Variants in CCDC27 observed in about 807,000 individuals in gnomAD.
CCDC27 encodes coiled-coil domain containing 27.
In CCDC27, 80 loss-of-function variants were observed where a neutral mutation model predicts 80.3. The ratio of observed to expected loss-of-function variants is 1.00; its 90% CI spans 0.83 to 1.20. The LOEUF is 1.20. Ranked by LOEUF, CCDC27 falls within the 50% of genes most tolerant of loss-of-function variation. The pLI is 0.00. For missense variants in CCDC27, 815 were observed against 809.4 expected (o/e 1.01, Z -0.08); for synonymous variants, 342 against 334.3 (o/e 1.02, Z -0.25).
At position 3,754,204 on chromosome 1, in the gene CCDC27, C is replaced by T. The variant is rs1244152643; in HGVS notation, c.405C>T (p.Pro135=). Residue 135 remains proline, a synonymous_variant, in exon 2 of 12, where the codon CCC becomes CCT. Transcript: ENST00000294600. ...RRVFPTHPDC[P]QFSTRATSMS... ...TCTTCCCCACGCATCCTGACTGCCC[C>T]CAGTTCAGCACCAGGGCCACATCCA... The T allele has an allele frequency of 6.2e-7, 1 of 1,613,322 alleles. No individual in the cohort carries two copies. Among genetic ancestry groups the T allele is most frequent in the Non-Finnish European group, 8.5e-7 (1 of 1,179,770 alleles).
chr1:3,764,454 T>C (rs1643178191), intron 8 of CCDC27, among the ~76,000 whole-genome samples: 1 of 151,822 alleles, frequency 6.6e-6, no homozygotes, highest in Non-Finnish European at 1.5e-5. Flanking sequence ...CATCTTAACA[T>C]TATTTAATGC....
In CCDC27 at chr1:3,763,328, A is replaced by G. The variant is rs1643139333; in HGVS notation, c.1175A>G (p.Glu392Gly). 1 of 1,612,722 alleles carries G rather than the reference A, an allele frequency of 6.2e-7. No homozygotes were observed. The highest frequency in any genetic ancestry group is 8.5e-7 in the Non-Finnish European group (1 of 1,179,674). The change falls in exon 7 of 12, where the codon GAA becomes GGA. Residue 392 changes from glutamate to glycine, a missense_variant. Physicochemically the swap from Glu to Gly is moderately conservative, Grantham distance 98 (BLOSUM62 -2). Transcript: ENST00000294600. The surrounding 1 kb of genome is among the most constrained non-coding windows in gnomAD (Gnocchi z 7.5). ...EDSEERELPE[E>G]EEIPRRRASS... ...TCAGAGGAAAGGGAGCTGCCGGAGG[A>G]AGAGGAGATCCCCAGGAGAAGGGCC...
At chr1:3,764,729 T>C (rs1643187270) in intron 8 of CCDC27, among the ~76,000 whole-genome samples, 1 of 152,174 alleles carries the variant, frequency 6.6e-6, no homozygotes, top group Non-Finnish European at 1.5e-5. Context: ...CATCCTCCAG[T>C]AGTTTTATCA....
chr1:3,752,735 C>T lies in CCDC27; in HGVS notation c.254C>T (p.Pro85Leu), dbSNP rs559022453. 1.9e-5 allele frequency: 30 copies of T among 1,613,820 alleles called. No individual in the cohort carries two copies. The African/African-American group carries it at 2.4e-4, about 13-fold the overall frequency. Residue 85 changes from proline (P) to leucine (L), a missense_variant, in exon 1 of 12, where the codon CCG (proline) becomes CTG (leucine). Coordinates refer to ENST00000294600, the MANE Select transcript of CCDC27 (RefSeq NM_152492.3). The part of the protein sequence containing the change: ...SRDARCPEWK[P>L]HQKPRTLSKS... ...GACGCCCGGTGCCCAGAATGGAAAC[C>T]GCACCAAAAGCCACGCACGCTCAGC...
chr1:3,764,267 G>A (rs756231710), intron 8 of CCDC27, among the ~76,000 whole-genome samples: 134 of 152,062 alleles, frequency 8.8e-4, no homozygotes, highest in Non-Finnish European at 1.6e-3. Context: ...CATGCACATC[G>A]CTTAAAGAAT....
chr1:3,763,217 C>T lies in CCDC27; in HGVS notation c.1064C>T (p.Ala355Val), dbSNP rs1037925937. The T allele has an allele frequency of 1.9e-6, 3 of 1,538,808 alleles. No homozygotes were observed. The highest frequency in any genetic ancestry group is 2.7e-5 in the African/African-American group (2 of 73,182). Residue 355 changes from alanine (A) to valine (V), a missense_variant, in exon 7 of 12, where the codon GCC becomes GTC. Ala to Val is a moderately conservative substitution (Grantham distance 64). Coordinates refer to ENST00000294600, the MANE Select transcript of CCDC27 (RefSeq NM_152492.3). This position sits in a 1 kb window ranked among gnomAD's most constrained non-coding sequence, Gnocchi z 7.5. The part of the protein sequence containing the change: ...GEPDGVEDTG[A>V]WGGVSQMGSV... ...CCCGATGGGGTGGAGGACACGGGTG[C>T]CTGGGGAGGTGTGAGCCAGATGGGA... is the stretch of plus-strand genomic sequence containing the variant.
rs918678241 is a variant in CCDC27, at chr1:3,763,540, G to A, written c.1321+66G>A. ...TGGTTCCCGGCCCAGGAGCTGGGAC[G>A]CCCAGACGCTGCCTGCTCTGGTCAG... On this transcript the variant is annotated intron_variant, in intron 7 of 11. Coordinates refer to ENST00000294600, the MANE Select transcript of CCDC27 (RefSeq NM_152492.3). This position sits in a 1 kb window ranked among gnomAD's most constrained non-coding sequence, Gnocchi z 7.5. 18 of 1,546,854 alleles carry A rather than the reference G, an allele frequency of 1.2e-5. No individual in the cohort carries two copies. The highest frequency in any genetic ancestry group is 2.3e-5 in the East Asian group (1 of 44,286).
At chr1:3,754,023 T>G in intron 1 of CCDC27, 95 bp from the exon 2 acceptor site, 2 of 1,523,180 alleles carry the variant, frequency 1.3e-6, no homozygotes, top group Non-Finnish European at 1.8e-6. Context: ...ATTGGGGCGA[T>G]TTGTGATGGT....
rs78474288 is a variant in CCDC27 at position 3,769,207 on chromosome 1, C to T, written c.1744-576C>T. Among the ~76,000 whole-genome samples the T allele has an allele frequency of 0.029, 4,339 of 152,220 alleles. 108 individuals are homozygous for T. Among genetic ancestry groups the T allele is most frequent in the East Asian group, 0.1 (534 of 5,164 alleles). On this transcript the variant is annotated intron_variant, in intron 10 of 11. Coordinates refer to ENST00000294600, the MANE Select transcript of CCDC27 (RefSeq NM_152492.3). This position sits in a 1 kb window ranked among gnomAD's most constrained non-coding sequence, Gnocchi z 4.6. ...TTAGCTACCTCTGGGGAGGCGGCTG[C>T]GGGTGTACAGGCAGACAAGGATCTT...
intron 2 of CCDC27, 52 bp from the exon 3 acceptor site, chr1:3,755,405 T>G: frequency 6.9e-7 from 1 of 1,458,296 alleles, no homozygotes; most frequent in Non-Finnish European, 9.6e-7. Context: ...CTGGAGATCT[T>G]GGGGAGACAA....
In CCDC27 at chr1:3,760,668, C is replaced by T. The variant is rs1316339970; in HGVS notation, c.712-613C>T. 6.6e-6 allele frequency among the ~76,000 whole-genome samples: 1 copy of T among 152,166 alleles called. No homozygotes were observed. Among genetic ancestry groups the T allele is most frequent in the Non-Finnish European group, 1.5e-5 (1 of 68,026 alleles). ...ACTTACTTTCCAAACATTTAGGGGA[C>T]TTTCTAGTTATCTTTCCTTCCAGAA... On this transcript the variant is annotated intron_variant, in intron 4 of 11. Coordinates refer to ENST00000294600, the MANE Select transcript of CCDC27 (RefSeq NM_152492.3). The surrounding 1 kb of genome is among the most constrained non-coding windows in gnomAD (Gnocchi z 4.3).
Position 3,766,426 on chromosome 1 carries a change from C to A in CCDC27, c.1453-109C>A. 1.5e-6 allele frequency: 1 copy of A among 671,244 alleles called. No homozygotes were observed. Among genetic ancestry groups the A allele is most frequent in the South Asian group, 1.9e-5 (1 of 51,842 alleles). The allele number at this position is 671,244 out of a possible 1,614,324, so 41.6% of individuals were successfully genotyped here. On this transcript the variant is annotated intron_variant, in intron 8 of 11. Coordinates refer to ENST00000294600, the MANE Select transcript of CCDC27 (RefSeq NM_152492.3). This position sits in a 1 kb window ranked among gnomAD's most constrained non-coding sequence, Gnocchi z 6.1. ...CTCCCTGCCTTCAATAGAAATCCCG[C>A]TGCTATTATTTTAGGGAGCTTTGGG...
rs1231641070 is a variant in CCDC27, at chr1:3,766,660, C to T, written c.1530+48C>T. On this transcript the variant is annotated intron_variant, in intron 9 of 11. Coordinates refer to ENST00000294600, the MANE Select transcript of CCDC27 (RefSeq NM_152492.3). The surrounding 1 kb of genome is among the most constrained non-coding windows in gnomAD (Gnocchi z 6.1). ...ATGATCAGCCAGGCCACTGTTCTTA[C>T]TGTAAGTCCCAACACAGCAAAGGGC... The T allele has an allele frequency of 6.6e-6, 10 of 1,505,372 alleles. No homozygotes were observed. Among genetic ancestry groups the T allele is most frequent in the African/African-American group, 1.4e-5 (1 of 72,588 alleles). 93.3% of individuals were successfully genotyped at this position (1,505,372 alleles called of 1,614,324 possible).
At chr1:3,754,082 C>T in intron 1 of CCDC27, 36 bp from the exon 2 acceptor site, 10 of 1,605,766 alleles carry the variant, frequency 6.2e-6, no homozygotes, top group Non-Finnish European at 8.5e-6. Context: ...CAGTCAGGGG[C>T]CTTCCTTGTC....
chr1:3,767,820 A>G (rs936152028), intron 10 of CCDC27, among the ~76,000 whole-genome samples: 3 of 152,240 alleles, frequency 2.0e-5, no homozygotes, highest in African/African-American at 7.2e-5. Context: ...TTGCTGGACC[A>G]GGCACCATTC....
At position 3,768,052 on chromosome 1, in the gene CCDC27, G is replaced by T. The variant is rs1319382028; in HGVS notation, c.1743+607G>T. Among the ~76,000 whole-genome samples, 1 of 151,038 alleles carries T rather than the reference G, an allele frequency of 6.6e-6. No individual in the cohort carries two copies. Among genetic ancestry groups the T allele is most frequent in the African/African-American group, 2.4e-5 (1 of 40,964 alleles). On this transcript the variant is annotated intron_variant, in intron 10 of 11. Coordinates refer to ENST00000294600, the MANE Select transcript of CCDC27 (RefSeq NM_152492.3). The surrounding 1 kb of genome is among the most constrained non-coding windows in gnomAD (Gnocchi z 5.6). ...GCCAGAGTGTGCCCTGCTTGTGAGGGCCCCATGCCAAAAAGGAAATCAATA... is the reference window on the plus strand; with the variant it reads ...GCCAGAGTGTGCCCTGCTTGTGAGGTCCCCATGCCAAAAAGGAAATCAATA...
intron 2 of CCDC27, among the ~76,000 whole-genome samples, chr1:3,755,060 C>T (rs1013742743): frequency 1.3e-5 from 2 of 152,228 alleles, no homozygotes; most frequent in Admixed American, 6.5e-5. Flanking sequence ...TCTGCGTCTA[C>T]ATACTGCTCA....
At position 3,768,947 on chromosome 1, in the gene CCDC27, G is replaced by C. The variant is rs534170275; in HGVS notation, c.1744-836G>C. Among the ~76,000 whole-genome samples the C allele has an allele frequency of 1.4e-4, 21 of 152,322 alleles. No individual in the cohort carries two copies. The highest frequency in any genetic ancestry group is 4.6e-4 in the African/African-American group (19 of 41,572). On this transcript the variant is annotated intron_variant, in intron 10 of 11. Coordinates refer to ENST00000294600, the MANE Select transcript of CCDC27 (RefSeq NM_152492.3). The surrounding 1 kb of genome is among the most constrained non-coding windows in gnomAD (Gnocchi z 5.6). Reference sequence around the variant, plus strand: ...ATTCCACTCCTCACACAGGCCAGGGGCCCATGACATTCCTGCTGTCACTTA... The same window carrying C: ...ATTCCACTCCTCACACAGGCCAGGGCCCCATGACATTCCTGCTGTCACTTA...
chr1:3,757,152 T>G (rs1185671769), intron 4 of CCDC27: 3 of 335,204 alleles, frequency 8.9e-6, no homozygotes, highest in African/African-American at 6.2e-5. Context: ...CGTCCACACA[T>G]CTTTGCACCC....
Sources: allele counts gnomAD v4.1 joint callset (sites outside exome capture counted in the v4.1 genomes callset), GRCh38; gene constraint gnomAD v4.1.1; non-coding constraint Gnocchi (gnomAD v3.1); transcripts MANE v1.5; gene names NCBI Gene and HGNC (gene_info 2026-07-23, HGNC 2026-07-21).